CAMKK1: variants seen among roughly 807,000 people sequenced by gnomAD.
CAMKK1 encodes the protein calcium/calmodulin dependent protein kinase kinase 1, also known as calcium/calmodulin-dependent protein kinase kinase 1.
A neutral mutation model predicts 63.5 loss-of-function variants in CAMKK1; 20 were observed. That is an observed-to-expected ratio of 0.32 (90% CI 0.22 to 0.46). CAMKK1 has a LOEUF of 0.46. Ranked by LOEUF, CAMKK1 falls within the 20% of genes least tolerant of loss-of-function variation. The probability of loss-of-function intolerance (pLI) is 1.00; values close to 1 mark genes in which losing one functional copy is unlikely to be tolerated. For synonymous variants in CAMKK1, 253 were observed against 269.0 expected, an observed-to-expected ratio of 0.94 and a Z score of 0.58; for missense variants, 588 against 658.1, an observed-to-expected ratio of 0.89 and a Z score of 1.17.
At chr17:3,872,432 A>C in intron 12 of CAMKK1, 122 bp downstream of exon 12, 1 of 768,272 alleles carries the variant, frequency 1.3e-6, no homozygotes, top group East Asian at 2.6e-5. Flanking sequence ...CTCCCAGGGA[A>C]CAGCACCGCC....
chr17:3,892,514 C>A lies in CAMKK1; in HGVS notation c.-44+425G>T, dbSNP rs1259996194. ...GCCCCATTCATCTCCCACCCCGCCC[C>A]CGGCTCCTGCAGGAAGACGCTCCGG... On this transcript the variant is annotated intron_variant, in intron 1 of 15. Coordinates refer to ENST00000348335, the MANE Select transcript of CAMKK1 (RefSeq NM_032294.3). The surrounding 1 kb of genome is among the most constrained non-coding windows in gnomAD (Gnocchi z 7.5). Among the ~76,000 whole-genome samples, 1 of 152,294 alleles carries A rather than the reference C, an allele frequency of 6.6e-6. No homozygotes were observed. Among genetic ancestry groups the A allele is most frequent in the East Asian group, 1.9e-4 (1 of 5,164 alleles).
At position 3,892,521 on chromosome 17, in the gene CAMKK1, C is replaced by T. The variant is rs1381694609; in HGVS notation, c.-44+418G>A. ...TCATCTCCCACCCCGCCCCCGGCTC[C>T]TGCAGGAAGACGCTCCGGCGGGCCG... On this transcript the variant is annotated intron_variant, in intron 1 of 15. Transcript: ENST00000348335. This position sits in a 1 kb window ranked among gnomAD's most constrained non-coding sequence, Gnocchi z 7.5. Among the ~76,000 whole-genome samples the T allele has an allele frequency of 1.3e-5, 2 of 152,156 alleles. No homozygotes were observed. The highest frequency in any genetic ancestry group is 2.9e-5 in the Non-Finnish European group (2 of 68,006).
intron 8 of CAMKK1, 107 bp downstream of exon 8, chr17:3,881,520 C>T: frequency 1.8e-6 from 2 of 1,125,744 alleles, no homozygotes; most frequent in Non-Finnish European, 1.3e-6. Flanking sequence ...GGGCCTCCGT[C>T]TCTGACTTCT....
At chr17:3,869,466 C>T (rs891539995) in intron 14 of CAMKK1, 21 bp downstream of exon 14, 2 of 1,613,864 alleles carry the variant, frequency 1.2e-6, no homozygotes, top group African/African-American at 1.3e-5. Flanking sequence ...GACAAGGGAG[C>T]ATCTACCCCG....
chr17:3,883,998 G>GCTCCCCACCTCCT lies in CAMKK1; in HGVS notation c.409-62_409-61insAGGAGGTGGGGAG. Reference sequence around the variant, plus strand: ...GGCAACCCCTCCCAGGACCAGCTCAGGAGGTGGGGAGCCGAGCAGCTCTGG... The same window carrying GCTCCCCACCTCCT: ...GGCAACCCCTCCCAGGACCAGCTCAGCTCCCCACCTCCTGAGGTGGGGAGCCGAGCAGCTCTGG... On this transcript the variant is annotated intron_variant, in intron 3 of 15. Coordinates refer to ENST00000348335, the MANE Select transcript of CAMKK1 (RefSeq NM_032294.3). The surrounding 1 kb of genome is among the most constrained non-coding windows in gnomAD (Gnocchi z 4.7). The GCTCCCCACCTCCT allele has an allele frequency of 6.5e-7, 1 of 1,545,652 alleles. No individual in the cohort carries two copies. The highest frequency in any genetic ancestry group is 8.9e-7 in the Non-Finnish European group (1 of 1,122,990).
Position 3,882,390 on chromosome 17 carries a change from G to C in CAMKK1, c.685+138C>G, listed in dbSNP as rs757905486. The C allele has an allele frequency of 6.3e-7, 1 of 1,598,386 alleles. No homozygotes were observed. The highest frequency in any genetic ancestry group is 8.6e-7 in the Non-Finnish European group (1 of 1,165,860). ...GCAGGGCTGGGCAAGGGAATCCAGG[G>C]CTTCAGAACGTGTGTTTTTCTTCTG... On this transcript the variant is annotated intron_variant, in intron 7 of 15. Coordinates refer to ENST00000348335, the MANE Select transcript of CAMKK1 (RefSeq NM_032294.3). The surrounding 1 kb of genome is among the most constrained non-coding windows in gnomAD (Gnocchi z 4.3).
In CAMKK1 at chr17:3,883,197, A is replaced by C; in HGVS notation, c.515-22T>G. 6.2e-7 allele frequency: 1 copy of C among 1,607,604 alleles called. No individual in the cohort carries two copies. ...CGACCTGTGACCAGGAAGAGAACTC[A>C]AACACCTGTTCCAGGTGGCTGGGCC... On this transcript the variant is annotated intron_variant, in intron 5 of 15. Transcript: ENST00000348335. The surrounding 1 kb of genome is among the most constrained non-coding windows in gnomAD (Gnocchi z 4.7).
rs542565072 is a variant in CAMKK1 at position 3,875,059 on chromosome 17, T to C, written c.996+1164A>G. 1.3e-3 allele frequency among the ~76,000 whole-genome samples: 197 copies of C among 151,958 alleles called. 1 individual carries two copies. Among genetic ancestry groups the C allele is most frequent in the African/African-American group, 4.7e-3 (195 of 41,452 alleles). On this transcript the variant is annotated intron_variant, in intron 10 of 15. Transcript: ENST00000348335. Reference sequence around the variant, plus strand: ...ATGGCGTGAACCCAGGAGGTGGAGCTTGCAGTGAGCTGAGATCGCGCCACT... The same window carrying C: ...ATGGCGTGAACCCAGGAGGTGGAGCCTGCAGTGAGCTGAGATCGCGCCACT...
Position 3,883,117 on chromosome 17 carries a change from C to G in CAMKK1, c.573G>C (p.Leu191=), listed in dbSNP as rs781436450. The change falls in exon 6 of 16, where the codon CTG becomes CTC. Residue 191 remains leucine, a synonymous_variant. Transcript: ENST00000348335. This position sits in a 1 kb window ranked among gnomAD's most constrained non-coding sequence, Gnocchi z 4.7. Reference sequence around the variant, plus strand: ...TCTCCTGGTACACCCGCTCCAGGGGCAGCAGCTGCTTGGCTGGTCCTCCCT... The same window carrying G: ...TCTCCTGGTACACCCGCTCCAGGGGGAGCAGCTGCTTGGCTGGTCCTCCCT... ...AAQGGPAKQL[L]PLERVYQEIA... is the part of the protein sequence containing the mutation. 18 of 1,613,502 alleles carry G rather than the reference C, an allele frequency of 1.1e-5. No homozygotes were observed. The highest frequency in any genetic ancestry group is 1.5e-5 in the Non-Finnish European group (18 of 1,179,964).
chr17:3,874,779 A>G (rs377467385), intron 10 of CAMKK1, among the ~76,000 whole-genome samples: 1 of 151,784 alleles, frequency 6.6e-6, no homozygotes, highest in Non-Finnish European at 1.5e-5. Flanking sequence ...AAAGGGCTGG[A>G]ATTACAGGCA....
chr17:3,884,023 G>A lies in CAMKK1; in HGVS notation c.409-86C>T. ...GGAGGTGGGGAGCCGAGCAGCTCTG[G>A]TCTCTCCTGCACCCCATCTGCACTA... On this transcript the variant is annotated intron_variant, in intron 3 of 15. Coordinates refer to ENST00000348335, the MANE Select transcript of CAMKK1 (RefSeq NM_032294.3). This position sits in a 1 kb window ranked among gnomAD's most constrained non-coding sequence, Gnocchi z 4.5. 2 of 1,322,800 alleles carry A rather than the reference G, an allele frequency of 1.5e-6. No individual in the cohort carries two copies. Among genetic ancestry groups the A allele is most frequent in the Non-Finnish European group, 2.2e-6 (2 of 928,984 alleles). 81.9% of individuals were successfully genotyped at this position (1,322,800 alleles called of 1,614,324 possible). A position where few individuals can be genotyped will look rare whatever the true frequency, so the allele number is the denominator to read the frequency against.
rs1194063915 is a variant in CAMKK1 at position 3,883,959 on chromosome 17, C to T, written c.409-22G>A. 1 of 1,612,578 alleles carries T rather than the reference C, an allele frequency of 6.2e-7. No individual in the cohort carries two copies. The highest frequency in any genetic ancestry group is 1.3e-5 in the African/African-American group (1 of 74,886). On this transcript the variant is annotated intron_variant, in intron 3 of 15. Transcript: ENST00000348335. This position sits in a 1 kb window ranked among gnomAD's most constrained non-coding sequence, Gnocchi z 4.7. ...CACCCTGCAGATAGGCATCAGTCAG[C>T]CCCACCTGGACAGGGCAACCCCTCC...
In CAMKK1 at chr17:3,866,084, C is replaced by T. The variant is rs1455349085; in HGVS notation, c.1342-73G>A. On this transcript the variant is annotated intron_variant, in intron 14 of 15. Coordinates refer to ENST00000348335, the MANE Select transcript of CAMKK1 (RefSeq NM_032294.3). ...ACACGCAGCCTCTGCTCCGATTCCC[C>T]GAGAGCAGCTGCCAAGGGGGCCGCA... The T allele has an allele frequency of 4.5e-5, 70 of 1,561,326 alleles. 1 individual carries two copies. Among genetic ancestry groups the T allele is most frequent in the South Asian group, 2.2e-4 (19 of 86,810 alleles).
At position 3,889,807 on chromosome 17, in the gene CAMKK1, A is replaced by G. The variant is rs933464418; in HGVS notation, c.-44+3132T>C. Among the ~76,000 whole-genome samples, 22 of 151,796 alleles carry G rather than the reference A, an allele frequency of 1.4e-4. No individual in the cohort carries two copies. The highest frequency in any genetic ancestry group is 3.1e-4 in the Non-Finnish European group (21 of 67,936). On this transcript the variant is annotated intron_variant, in intron 1 of 15. Transcript: ENST00000348335. This position sits in a 1 kb window ranked among gnomAD's most constrained non-coding sequence, Gnocchi z 5.2. ...TGTGGGCCCCCGGCTCCAGACGCCC[A>G]CTTGGCCTGGCTTCTTCCACAGGAC...
At position 3,862,331 on chromosome 17, in the gene CAMKK1, C is replaced by T; in HGVS notation, c.1446-48G>A. The T allele has an allele frequency of 7.1e-7, 1 of 1,406,204 alleles. No individual in the cohort carries two copies. Among genetic ancestry groups the T allele is most frequent in the Non-Finnish European group, 9.9e-7 (1 of 1,014,016 alleles). 87.1% of individuals were successfully genotyped at this position (1,406,204 alleles called of 1,614,324 possible). A position where few individuals can be genotyped will look rare whatever the true frequency, so the allele number is the denominator to read the frequency against. On this transcript the variant is annotated intron_variant, in intron 15 of 15. Coordinates refer to ENST00000348335, the MANE Select transcript of CAMKK1 (RefSeq NM_032294.3). This position sits in a 1 kb window ranked among gnomAD's most constrained non-coding sequence, Gnocchi z 4.1. ...AGAGGGACCTCAGGGTCAGAATATG[C>T]ACTCAGGGAGACACTCTCCCTCACA...
Position 3,885,746 on chromosome 17 carries a change from A to G in CAMKK1, c.-43-16T>C. The G allele has an allele frequency of 6.3e-7, 1 of 1,594,194 alleles. No individual in the cohort carries two copies. Among genetic ancestry groups the G allele is most frequent in the Non-Finnish European group, 8.5e-7 (1 of 1,174,366 alleles). ...TGTTGGGAACCTGAGAAAAGAAGGC[A>G]GAGAAGGCTTCACTCCTGGGTGTCA... On this transcript the variant is annotated splice_polypyrimidine_tract_variant and intron_variant, in intron 1 of 15. Coordinates refer to ENST00000348335, the MANE Select transcript of CAMKK1 (RefSeq NM_032294.3).
At chr17:3,870,368 G>T (rs1382950789) in intron 12 of CAMKK1, among the ~76,000 whole-genome samples, 1 of 151,212 alleles carries the variant, frequency 6.6e-6, no homozygotes, top group South Asian at 2.1e-4. Flanking sequence ...AAACCCCAGG[G>T]TTCTTTTTTT....
chr17:3,890,809 G>C lies in CAMKK1; in HGVS notation c.-44+2130C>G, dbSNP rs1414076290. ...ACCTCCCTCTCCTCTGCTGCCTGGA[G>C]GACAGCTCAGACATCGCCTCTTCTG... On this transcript the variant is annotated intron_variant, in intron 1 of 15. Coordinates refer to ENST00000348335, the MANE Select transcript of CAMKK1 (RefSeq NM_032294.3). The surrounding 1 kb of genome is among the most constrained non-coding windows in gnomAD (Gnocchi z 6.5). 2 of 779,306 alleles carry C rather than the reference G, an allele frequency of 2.6e-6. No homozygotes were observed. Among genetic ancestry groups the C allele is most frequent in the South Asian group, 2.7e-5 (2 of 74,560 alleles). The allele number at this position is 779,306 out of a possible 1,614,324, so 48.3% of individuals were successfully genotyped here.
intron 14 of CAMKK1, among the ~76,000 whole-genome samples, chr17:3,866,723 C>CTT (rs5818921): frequency 1.3e-5 from 2 of 148,770 alleles, no homozygotes; most frequent in South Asian, 2.1e-4. Context: ...CTCATATAGC[C>CTT]TTTTTTTTTT....
Sources: allele counts gnomAD v4.1 joint callset (sites outside exome capture counted in the v4.1 genomes callset), GRCh38; gene constraint gnomAD v4.1.1; non-coding constraint Gnocchi (gnomAD v3.1); transcripts MANE v1.5; gene names NCBI Gene and HGNC (gene_info 2026-07-23, HGNC 2026-07-21).